Variants in RNF169 observed in about 807,000 individuals in gnomAD.
The protein encoded by RNF169 is E3 ubiquitin-protein ligase RNF169.
Under a neutral mutation model 53.9 loss-of-function variants are expected in RNF169, and 24 were observed. The observed-to-expected ratio is 0.45, with a 90% CI of 0.32 to 0.63. The LOEUF (loss-of-function observed/expected upper bound fraction) is 0.63. Ranked by LOEUF, RNF169 falls within the 20% of genes least tolerant of loss-of-function variation. The pLI is 0.04. For missense variants in RNF169, 883 were observed against 906.2 expected (o/e 0.97, Z 0.33); for synonymous variants, 396 against 363.5 (o/e 1.09, Z -1.02).
intron 4 of RNF169, among the ~76,000 whole-genome samples, chr11:74,822,900 G>A (rs1228260454): frequency 6.6e-6 from 1 of 152,126 alleles, no homozygotes. Flanking sequence ...GCCAGGCACT[G>A]TGTTAGGGTT....
At chr11:74,782,912 T>G (rs921474277) in intron 1 of RNF169, among the ~76,000 whole-genome samples, 4 of 151,850 alleles carry the variant, frequency 2.6e-5, no homozygotes, top group South Asian at 2.1e-4. Flanking sequence ...AAGAGGTTTT[T>G]TTTTTTTTTT....
chr11:74,814,258 A>C (rs2035913715), intron 3 of RNF169, among the ~76,000 whole-genome samples: 1 of 151,546 alleles, frequency 6.6e-6, no homozygotes, highest in Admixed American at 6.6e-5. Flanking sequence ...TGAACCCGGG[A>C]GGTGGAGGTT....
At chr11:74,799,929 C>G (rs745716043) in intron 2 of RNF169, among the ~76,000 whole-genome samples, 2 of 150,396 alleles carry the variant, frequency 1.3e-5, no homozygotes, top group Non-Finnish European at 3.0e-5. Context: ...GATTTTAGAT[C>G]ACATTATGCA....
At chr11:74,820,103 CT>C (rs1273081617) in intron 4 of RNF169, among the ~76,000 whole-genome samples, 1 of 152,052 alleles carries the variant, frequency 6.6e-6, no homozygotes, top group East Asian at 1.9e-4. Context: ...AATAGGTACC[CT>C]TCCTTAAAAT....
At chr11:74,810,632 T>A (rs1044654115) in intron 3 of RNF169, among the ~76,000 whole-genome samples, 1 of 152,252 alleles carries the variant, frequency 6.6e-6, no homozygotes, top group African/African-American at 2.4e-5. Flanking sequence ...TTTGGACTTA[T>A]GTGTTATTTG....
At chr11:74,768,676 T>C (rs1265758130) in intron 1 of RNF169, among the ~76,000 whole-genome samples, 1 of 151,048 alleles carries the variant, frequency 6.6e-6, no homozygotes, top group African/African-American at 2.4e-5. Context: ...GCTAGGACTA[T>C]CTCTATGAAA....
chr11:74,767,983 T>C (rs1312116770), intron 1 of RNF169, among the ~76,000 whole-genome samples: 1 of 152,152 alleles, frequency 6.6e-6, no homozygotes, highest in Non-Finnish European at 1.5e-5. Context: ...CCAGCCACTG[T>C]CTTTGCTTTT....
At chr11:74,827,490 G>A (rs1341731807) in intron 4 of RNF169, among the ~76,000 whole-genome samples, 2 of 152,176 alleles carry the variant, frequency 1.3e-5, no homozygotes, top group Non-Finnish European at 2.9e-5. Flanking sequence ...CTGCAGCTGA[G>A]TTTTTGTTTT....
chr11:74,808,029 A>T (rs572086837), intron 2 of RNF169: 2 of 152,268 alleles, frequency 1.3e-5, no homozygotes, highest in East Asian at 3.9e-4. Context: ...GTTGTTTGCC[A>T]GCAACACAAG....
At chr11:74,788,519 G>A (rs560767635) in intron 1 of RNF169, among the ~76,000 whole-genome samples, 25 of 151,872 alleles carry the variant, frequency 1.6e-4, no homozygotes, top group African/African-American at 5.6e-4. Flanking sequence ...CAGCCTCTCG[G>A]GTAGCTGGGA....
intron 2 of RNF169, among the ~76,000 whole-genome samples, chr11:74,802,202 A>G (rs766410430): frequency 1.3e-5 from 2 of 152,192 alleles, no homozygotes; most frequent in African/African-American, 2.4e-5. Flanking sequence ...ACTGCCCCCT[A>G]TAAGCCCTAT....
intron 1 of RNF169, among the ~76,000 whole-genome samples, chr11:74,751,233 T>C (rs2034890727): frequency 6.6e-6 from 1 of 152,188 alleles, no homozygotes; most frequent in Non-Finnish European, 1.5e-5. Context: ...TTCCATTTTA[T>C]AGATGAAACT....
intron 3 of RNF169, among the ~76,000 whole-genome samples, chr11:74,812,201 A>C (rs2035884455): frequency 6.6e-6 from 1 of 152,208 alleles, no homozygotes; most frequent in South Asian, 2.1e-4. Context: ...CCAGTTTTAC[A>C]AATGCATTGA....
chr11:74,796,123 T>G (rs1438042729), intron 2 of RNF169, among the ~76,000 whole-genome samples: 1 of 152,258 alleles, frequency 6.6e-6, no homozygotes, highest in African/African-American at 2.4e-5. Context: ...TTCTTGTTTA[T>G]AAGACTTAAA....
At chr11:74,831,786 G>A (rs1178716501) in intron 4 of RNF169, 3 of 151,880 alleles carry the variant, frequency 2.0e-5, no homozygotes, top group African/African-American at 7.3e-5. Context: ...ATGTGGTACT[G>A]GAATAAGGGT....
At chr11:74,790,168 G>A (rs1006997257) in intron 2 of RNF169, among the ~76,000 whole-genome samples, 17 of 152,084 alleles carry the variant, frequency 1.1e-4, no homozygotes, top group Admixed American at 3.3e-4. Flanking sequence ...AATTACCATT[G>A]GGAAAGCTTT....
At chr11:74,770,404 T>C (rs1009787419) in intron 1 of RNF169, among the ~76,000 whole-genome samples, 2 of 152,264 alleles carry the variant, frequency 1.3e-5, no homozygotes, top group Non-Finnish European at 2.9e-5. Flanking sequence ...ATAAGAATTA[T>C]AATTCATAGG....
Position 74,749,226 on chromosome 11 carries a change from C to G in RNF169, c.346C>G (p.Arg116Gly). The G allele has an allele frequency of 2.8e-6, 3 of 1,077,760 alleles. No homozygotes were observed. Among genetic ancestry groups the G allele is most frequent in the South Asian group, 4.3e-5 (1 of 23,094 alleles). 66.8% of individuals were successfully genotyped at this position (1,077,760 alleles called of 1,614,324 possible). A position where few individuals can be genotyped will look rare whatever the true frequency, so the allele number is the denominator to read the frequency against. ...CRARGPGWAR[R>G]RARDDGQADS... ...CGCCCGCGGCCCAGGCTGGGCCCGCCGTCGGGCCCGCGACGACGGCCAGGC... is the reference window on the plus strand; with the variant it reads ...CGCCCGCGGCCCAGGCTGGGCCCGCGGTCGGGCCCGCGACGACGGCCAGGC... Residue 116 changes from arginine to glycine, a missense_variant, in exon 1 of 6, where the codon CGT (arginine) becomes GGT (glycine). Arg to Gly is a moderately radical substitution (Grantham distance 125). Around this residue, in one of 3 missense-constraint regions of RNF169, gnomAD observed 313 missense variants for 279.9 expected, o/e 1.12. Coordinates refer to ENST00000299563, the MANE Select transcript of RNF169 (RefSeq NM_001098638.2).
At chr11:74,765,806 CA>C (rs35483204) in intron 1 of RNF169, among the ~76,000 whole-genome samples, 225 of 108,938 alleles carry the variant, frequency 2.1e-3, no homozygotes, top group African/African-American at 6.4e-3. Context: ...GGCAACATCT[CA>C]AAAAAAAAAA....
Sources: allele counts gnomAD v4.1 joint callset (sites outside exome capture counted in the v4.1 genomes callset), GRCh38; gene constraint gnomAD v4.1.1; regional missense constraint gnomAD v4.1.1; transcripts MANE v1.5; gene names NCBI Gene and HGNC (gene_info 2026-07-23, HGNC 2026-07-21).